The following MTUS2 variants were observed in gnomAD, a reference collection of about 807,000 sequenced individuals.
The protein encoded by MTUS2 is microtubule-associated tumor suppressor candidate 2.
MTUS2 carries 40 observed loss-of-function variants against 114.1 expected under a neutral mutation model. The ratio of observed to expected loss-of-function variants is 0.35; its 90% CI spans 0.27 to 0.46. MTUS2 has a LOEUF of 0.46. Among genes scored for constraint, MTUS2 ranks in the 20% least tolerant of loss-of-function variants. The probability of loss-of-function intolerance (pLI) is 1.00; values close to 1 mark genes in which losing one functional copy is unlikely to be tolerated. For synonymous variants in MTUS2, 688 were observed against 672.0 expected (o/e 1.02, Z -0.37); for missense variants, 1,679 against 1,705.4 (o/e 0.98, Z 0.27).
chr13:28,944,128 G>A (rs867797188), intron 2 of MTUS2, among the ~76,000 whole-genome samples: 1 of 151,570 alleles, frequency 6.6e-6, no homozygotes, highest in East Asian at 1.9e-4. Context: ...TATTTTGGGG[G>A]TACATGGGAT....
At chr13:29,120,064 A>G (rs1412311283) in intron 5 of MTUS2, among the ~76,000 whole-genome samples, 1 of 152,202 alleles carries the variant, frequency 6.6e-6, no homozygotes, top group Non-Finnish European at 1.5e-5. Flanking sequence ...TTTTGCCATT[A>G]CAATTGATAT....
chr13:29,195,539 G>GAAAAAAAAAAAAAAAAA (rs59726006), intron 5 of MTUS2, among the ~76,000 whole-genome samples: 1 of 78,522 alleles, frequency 1.3e-5, no homozygotes, highest in Non-Finnish European at 2.6e-5. Context: ...ACTTAATTCT[G>GAAAAAAAAAAAAAAAAA]AAAAAAAAAA....
chr13:28,827,809 AAT>A (rs1416294711), intron 1 of MTUS2, among the ~76,000 whole-genome samples: 1 of 152,210 alleles, frequency 6.6e-6, no homozygotes, highest in East Asian at 1.9e-4. Context: ...GGAGTGTACG[AAT>A]AGTGTGTGGG....
At chr13:29,332,423 T>G (rs1391626786) in intron 7 of MTUS2, among the ~76,000 whole-genome samples, 1 of 152,190 alleles carries the variant, frequency 6.6e-6, no homozygotes, top group African/African-American at 2.4e-5. Context: ...TATCATTTTT[T>G]ATTGCGTCTA....
chr13:28,913,384 T>C (rs1282711774), intron 2 of MTUS2, among the ~76,000 whole-genome samples: 2 of 152,188 alleles, frequency 1.3e-5, no homozygotes, highest in Non-Finnish European at 2.9e-5. Context: ...GTAGTTTTTG[T>C]CTTTAGTTCT....
At chr13:29,491,795 A>G (rs1593511971) in intron 11 of MTUS2, among the ~76,000 whole-genome samples, 2 of 126,248 alleles carry the variant, frequency 1.6e-5, no homozygotes, top group African/African-American at 6.2e-5. Context: ...TGTTGTATGT[A>G]GCGTATGTGA....
At chr13:29,091,570 A>G (rs1233540641) in intron 4 of MTUS2, among the ~76,000 whole-genome samples, 1 of 152,100 alleles carries the variant, frequency 6.6e-6, no homozygotes, top group Non-Finnish European at 1.5e-5. Flanking sequence ...CACATGATCC[A>G]GTCTTCCCCT....
At chr13:28,928,039 A>G (rs552288240) in intron 2 of MTUS2, among the ~76,000 whole-genome samples, 44 of 152,318 alleles carry the variant, frequency 2.9e-4, no homozygotes, top group Non-Finnish European at 5.3e-4. Flanking sequence ...GGAAAACTAG[A>G]TATCCATACG....
chr13:29,104,976 A>G (rs7985792), intron 5 of MTUS2, among the ~76,000 whole-genome samples: 102,156 of 151,996 alleles, frequency 0.67, 35,036 homozygotes, highest in Non-Finnish European at 0.74. Flanking sequence ...ACATACTATT[A>G]CCTAATGTGT....
intron 8 of MTUS2, among the ~76,000 whole-genome samples, chr13:29,419,286 C>T (rs531976313): frequency 6.6e-6 from 1 of 152,136 alleles, no homozygotes; most frequent in Non-Finnish European, 1.5e-5. Context: ...GGAGAGTCAA[C>T]GTAGTCTTGC....
intron 5 of MTUS2, among the ~76,000 whole-genome samples, chr13:29,130,513 A>G (rs1370541240): frequency 6.6e-6 from 1 of 151,688 alleles, no homozygotes; most frequent in Admixed American, 6.6e-5. Context: ...TGACATGACA[A>G]CCTTTGCCTT....
At position 29,026,107 on chromosome 13, in the gene MTUS2, T is replaced by C; in HGVS notation, c.1409T>C (p.Leu470Ser). Residue 470 changes from leucine to serine, a missense_variant, in exon 3 of 16, where the codon TTG becomes TCG. By Grantham distance (145) the Leu-to-Ser change is moderately radical (BLOSUM62 -2). This residue lies in a region of MTUS2 where 843 missense variants were observed against 770.8 expected (regional missense o/e 1.09). Coordinates refer to ENST00000612955, the MANE Select transcript of MTUS2 (RefSeq NM_001033602.4). Reference protein sequence around the residue: ...GSGNKDSVMVLVFNPSVGENK... With the variant: ...GSGNKDSVMVSVFNPSVGENK... Reference sequence around the variant, plus strand: ...GGGAATAAGGACAGTGTTATGGTTTTGGTGTTCAATCCTTCTGTTGGAGAG... The same window carrying C: ...GGGAATAAGGACAGTGTTATGGTTTCGGTGTTCAATCCTTCTGTTGGAGAG... 1 of 1,613,994 alleles carries C rather than the reference T, an allele frequency of 6.2e-7. No individual in the cohort carries two copies. The highest frequency in any genetic ancestry group is 8.5e-7 in the Non-Finnish European group (1 of 1,179,884).
At chr13:29,183,356 A>C (rs905247396) in intron 5 of MTUS2, among the ~76,000 whole-genome samples, 2 of 152,010 alleles carry the variant, frequency 1.3e-5, no homozygotes, top group African/African-American at 4.8e-5. Flanking sequence ...GATGAGGAAA[A>C]CAGCAGGGGG....
intron 5 of MTUS2, among the ~76,000 whole-genome samples, chr13:29,224,368 A>C (rs1321972888): frequency 6.6e-6 from 1 of 151,428 alleles, no homozygotes; most frequent in African/African-American, 2.4e-5. Flanking sequence ...TATTTCTCTT[A>C]CGCTTTATTT....
chr13:28,989,302 C>A (rs992778220), intron 2 of MTUS2, among the ~76,000 whole-genome samples: 5 of 152,166 alleles, frequency 3.3e-5, no homozygotes, highest in African/African-American at 7.2e-5. Context: ...AAGACCCAAC[C>A]AGTGAAAGGA....
Position 29,438,454 on chromosome 13 carries a change from A to T in MTUS2, c.3118-1529A>T, listed in dbSNP as rs371782590. On this transcript the variant is annotated intron_variant, in intron 8 of 15. Transcript: ENST00000612955. ...GGAAGCCCAAGATCTAGGCTCCAGC[A>T]GTTTCAGTGTCAGGTGCGGGCCACT... Among the ~76,000 whole-genome samples the T allele has an allele frequency of 6.6e-5, 10 of 152,316 alleles. No individual in the cohort carries two copies. The East Asian group carries it at 1.9e-3, about 29-fold the overall frequency.
At chr13:29,051,785 T>A (rs1887909048) in intron 4 of MTUS2, among the ~76,000 whole-genome samples, 1 of 152,058 alleles carries the variant, frequency 6.6e-6, no homozygotes, top group Non-Finnish European at 1.5e-5. Flanking sequence ...TTAAGTGGAG[T>A]CATGGAGACC....
intron 4 of MTUS2, among the ~76,000 whole-genome samples, chr13:29,036,141 C>CAAA (rs397851632): frequency 1.9e-3 from 59 of 31,636 alleles, no homozygotes; most frequent in African/African-American, 4.9e-3. Flanking sequence ...GAGACTGTCT[C>CAAA]AAAAAAAAAA....
At chr13:29,008,384 C>T (rs1403503630) in intron 2 of MTUS2, among the ~76,000 whole-genome samples, 1 of 152,172 alleles carries the variant, frequency 6.6e-6, no homozygotes, top group East Asian at 1.9e-4. Flanking sequence ...ACATTTTTCT[C>T]GCTGGATCTA....
Sources: gnomAD v4.1 joint callset for allele counts (sites outside exome capture counted in the v4.1 genomes callset) on GRCh38, gnomAD v4.1.1 for gene constraint, gnomAD v4.1.1 regional missense constraint, MANE v1.5 for transcripts, NCBI Gene and HGNC (gene_info 2026-07-23, HGNC 2026-07-21) for gene names.